CLCF1: variants seen among roughly 807,000 people sequenced by gnomAD.
The protein encoded by CLCF1 is cardiotrophin-like cytokine factor 1.
Under a neutral mutation model 21.2 loss-of-function variants are expected in CLCF1, and 10 were observed. The ratio of observed to expected loss-of-function variants is 0.47; its 90% CI spans 0.29 to 0.80. CLCF1 has a LOEUF of 0.80. Among genes scored for constraint, CLCF1 ranks in the 30% least tolerant of loss-of-function variants. The probability of loss-of-function intolerance (pLI) is 0.09; values close to 1 mark genes in which losing one functional copy is unlikely to be tolerated. For synonymous variants in CLCF1, 115 were observed against 120.5 expected, an observed-to-expected ratio of 0.95 and a Z score of 0.30; for missense variants, 240 against 293.4, an observed-to-expected ratio of 0.82 and a Z score of 1.33.
chr11:67,369,476 G>C (rs1862184936), intron 1 of CLCF1: 1 of 985,260 alleles, frequency 1.0e-6, no homozygotes, highest in Non-Finnish European at 1.2e-6. Context: ...TCTATCCCCA[G>C]CTCTTGCCTG....
In CLCF1 at chr11:67,372,694, C is replaced by CGCGT. The variant is rs1464313958; in HGVS notation, c.16+826_16+829dup. 6.7e-6 allele frequency among the ~76,000 whole-genome samples: 1 copy of CGCGT among 149,608 alleles called. No individual in the cohort carries two copies. The highest frequency in any genetic ancestry group is 1.5e-5 in the Non-Finnish European group (1 of 67,000). ...CTCTGCCCGGCGCTGCCCTTTCCCG[C>CGCGT]GCGTCAACTCCCCTCCTGCCCGGGC... On this transcript the variant is annotated intron_variant, in intron 1 of 2. Transcript: ENST00000312438. This position sits in a 1 kb window ranked among gnomAD's most constrained non-coding sequence, Gnocchi z 5.9.
intron 2 of CLCF1, among the ~76,000 whole-genome samples, chr11:67,367,219 T>C (rs2134880685): frequency 6.6e-6 from 1 of 151,458 alleles, no homozygotes; most frequent in South Asian, 2.1e-4. Context: ...TGGCAGCCAG[T>C]GGGGCAATGG....
chr11:67,373,492 G>A (rs769668426), intron 1 of CLCF1, 32 bp downstream of exon 1: 2 of 1,165,572 alleles, frequency 1.7e-6, no homozygotes, highest in Non-Finnish European at 2.4e-6. Flanking sequence ...TTGGCGGGGC[G>A]GGGGTCGGGG....
chr11:67,368,068 C>T (rs1227210611), intron 1 of CLCF1: 3 of 985,246 alleles, frequency 3.0e-6, no homozygotes, highest in Non-Finnish European at 3.6e-6. Context: ...GGGTGGGAGA[C>T]AGCACATGTC....
intron 1 of CLCF1, chr11:67,371,017 G>T: frequency 2.0e-6 from 2 of 985,364 alleles, no homozygotes; most frequent in Non-Finnish European, 2.4e-6. Context: ...GGAGGGGTCT[G>T]TTGAGGGGAA....
rs1818166692 is a variant in CLCF1 at position 67,369,333 on chromosome 11, T to C, written c.17-1707A>G. 5 of 983,038 alleles carry C rather than the reference T, an allele frequency of 5.1e-6. No individual in the cohort carries two copies. The South Asian group carries it at 2.3e-4, about 46-fold the overall frequency. The allele number at this position is 983,038 out of a possible 1,614,324, so 60.9% of individuals were successfully genotyped here. ...TTGGTTTGAGGCAAGTGTGAGTGTG[T>C]GTACACGCGTGTGTTTTAGGACAGA... On this transcript the variant is annotated intron_variant, in intron 1 of 2. Transcript: ENST00000312438.
Position 67,365,062 on chromosome 11 carries a change from G to A in CLCF1, c.*74C>T. 6.2e-7 allele frequency: 1 copy of A among 1,605,592 alleles called. No homozygotes were observed. Among genetic ancestry groups the A allele is most frequent in the South Asian group, 1.1e-5 (1 of 90,340 alleles). On this transcript the variant is annotated 3_prime_UTR_variant, in exon 3 of 3. Coordinates refer to ENST00000312438, the MANE Select transcript of CLCF1 (RefSeq NM_013246.3). The surrounding 1 kb of genome is among the most constrained non-coding windows in gnomAD (Gnocchi z 5.0). ...GCTTCTGTCTCCTGGCTCAACAGGTGTTGGCATACAGGGCTGGCTCTCACA... is the reference window on the plus strand; with the variant it reads ...GCTTCTGTCTCCTGGCTCAACAGGTATTGGCATACAGGGCTGGCTCTCACA...
At chr11:67,370,200 G>A in intron 1 of CLCF1, 1 of 985,432 alleles carries the variant, frequency 1.0e-6, no homozygotes, top group South Asian at 4.7e-5. Flanking sequence ...CAGGCAGCAG[G>A]AGGGAAAGCA....
rs1862078596 is a variant in CLCF1 at position 67,365,598 on chromosome 11, T to C, written c.216A>G (p.Pro72=). 1 of 1,612,742 alleles carries C rather than the reference T, an allele frequency of 6.2e-7. No homozygotes were observed. Among genetic ancestry groups the C allele is most frequent in the Non-Finnish European group, 8.5e-7 (1 of 1,178,828 alleles). Residue 72 remains proline (P), a synonymous_variant, in exon 3 of 3, where the codon CCA becomes CCG. Transcript: ENST00000312438. This position sits in a 1 kb window ranked among gnomAD's most constrained non-coding sequence, Gnocchi z 5.0. The stretch of plus-strand genomic sequence containing the variant: ...CCCCCAGGCGGGGAGGGTTGAAGTC[T>C]GGCTCGTTGAAAGGGGGGCCCAGGT... The part of the protein sequence containing the change: ...LNYLGPPFNE[P]DFNPPRLGAE...
At chr11:67,369,680 G>C in intron 1 of CLCF1, 1 of 985,470 alleles carries the variant, frequency 1.0e-6, no homozygotes, top group African/African-American at 1.7e-5. Flanking sequence ...CTCAAAGTTA[G>C]TGGCGAGACC....
chr11:67,368,803 C>T (rs192256292), intron 1 of CLCF1: 57 of 984,640 alleles, frequency 5.8e-5, no homozygotes, highest in Admixed American at 1.9e-4. Flanking sequence ...GTTTAGGTAT[C>T]AGATGGGGCG....
Position 67,365,299 on chromosome 11 carries a change from C to T in CLCF1, c.515G>A (p.Gly172Asp), listed in dbSNP as rs1341189201. 2 of 1,613,858 alleles carry T rather than the reference C, an allele frequency of 1.2e-6. No individual in the cohort carries two copies. The highest frequency in any genetic ancestry group is 1.7e-6 in the Non-Finnish European group (2 of 1,180,036). Reference sequence around the variant, plus strand: ...CTGGAGGAAGTCACTGTGGGCAGGGCCAGGAGTCCAAGTGGGTTCAGTCCC... The same window carrying T: ...CTGGAGGAAGTCACTGTGGGCAGGGTCAGGAGTCCAAGTGGGTTCAGTCCC... ...LPGTEPTWTP[G>D]PAHSDFLQKM... The change falls in exon 3 of 3, where the codon GGC (glycine) becomes GAC (aspartate). Residue 172 changes from glycine to aspartate, a missense_variant. Transcript: ENST00000312438. The surrounding 1 kb of genome is among the most constrained non-coding windows in gnomAD (Gnocchi z 5.0).
At chr11:67,366,429 C>T (rs1862099618) in intron 2 of CLCF1, among the ~76,000 whole-genome samples, 1 of 152,188 alleles carries the variant, frequency 6.6e-6, no homozygotes. Context: ...CGGGTACTCA[C>T]TAACACTCCG....
At position 67,365,444 on chromosome 11, in the gene CLCF1, C is replaced by T. The variant is rs768583993; in HGVS notation, c.370G>A (p.Ala124Thr). ...CTGCGGCGCAGCTCAGCAGTGGCAG[C>T]CTGACGGTTGAGGCCACGCAAGTAA... ...LCYLRGLNRQ[A>T]ATAELRRSLA... The change falls in exon 3 of 3, where the codon GCT (alanine) becomes ACT (threonine). Residue 124 changes from alanine (A) to threonine (T), a missense_variant. Coordinates refer to ENST00000312438, the MANE Select transcript of CLCF1 (RefSeq NM_013246.3). This position sits in a 1 kb window ranked among gnomAD's most constrained non-coding sequence, Gnocchi z 5.0. 5 of 1,613,642 alleles carry T rather than the reference C, an allele frequency of 3.1e-6. No individual in the cohort carries two copies. The highest frequency in any genetic ancestry group is 4.2e-6 in the Non-Finnish European group (5 of 1,179,870).
Position 67,364,894 on chromosome 11 carries a change from G to A in CLCF1, c.*242C>T, listed in dbSNP as rs200395167. The A allele has an allele frequency of 1.0e-5, 6 of 599,010 alleles. No individual in the cohort carries two copies. Among genetic ancestry groups the A allele is most frequent in the East Asian group, 3.1e-5 (1 of 32,564 alleles). The allele number at this position is 599,010 out of a possible 1,614,324, so 37.1% of individuals were successfully genotyped here. A position where few individuals can be genotyped will look rare whatever the true frequency, so the allele number is the denominator to read the frequency against. ...AACCTGAACCACTTCACACTCCCTC[G>A]AGCATGACTTCCTGTAGAAACAGGA... On this transcript the variant is annotated 3_prime_UTR_variant, in exon 3 of 3. Transcript: ENST00000312438.
chr11:67,369,247 T>G (rs1337977278), intron 1 of CLCF1: 2 of 985,254 alleles, frequency 2.0e-6, no homozygotes, highest in Non-Finnish European at 2.4e-6. Flanking sequence ...CTCTTTCAGA[T>G]GTGTGACTGG....
chr11:67,370,364 T>C, intron 1 of CLCF1: 1 of 985,170 alleles, frequency 1.0e-6, no homozygotes, highest in Non-Finnish European at 1.2e-6. Flanking sequence ...ACTGGGGCTG[T>C]GTCCTAGGTC....
chr11:67,370,421 C>T, intron 1 of CLCF1: 1 of 985,042 alleles, frequency 1.0e-6, no homozygotes, highest in Non-Finnish European at 1.2e-6. Flanking sequence ...CCGGCCCCCG[C>T]CCCAGCTCTG....
At chr11:67,374,026 G>A, upstream of CLCF1, 2 of 988,298 alleles carry the variant, frequency 2.0e-6, no homozygotes, top group Non-Finnish European at 2.4e-6. Context: ...CTGCCGATGC[G>A]GGGTCCCTGA....
Sources: gnomAD v4.1 joint callset for allele counts (sites outside exome capture counted in the v4.1 genomes callset) on GRCh38, gnomAD v4.1.1 for gene constraint, Gnocchi (gnomAD v3.1) non-coding constraint, MANE v1.5 for transcripts, NCBI Gene and HGNC (gene_info 2026-07-23, HGNC 2026-07-21) for gene names.